The following SPIDR variants were observed in gnomAD, a reference collection of about 807,000 sequenced individuals.
SPIDR encodes DNA repair-scaffolding protein.
Under a neutral mutation model 104.6 loss-of-function variants are expected in SPIDR, and 93 were observed. The ratio of observed to expected loss-of-function variants is 0.89; its 90% CI spans 0.75 to 1.06. The LOEUF (loss-of-function observed/expected upper bound fraction) is 1.06. Ranked by LOEUF, SPIDR falls within the 50% of genes least tolerant of loss-of-function variation. The probability of loss-of-function intolerance (pLI) is 0.00; values close to 1 mark genes in which losing one functional copy is unlikely to be tolerated. For missense variants in SPIDR, 1,154 were observed against 1,111.2 expected (o/e 1.04, Z -0.55); for synonymous variants, 431 against 416.9 (o/e 1.03, Z -0.41).
intron 5 of SPIDR, among the ~76,000 whole-genome samples, chr8:47,387,610 G>T (rs2060108381): frequency 6.6e-6 from 1 of 152,176 alleles, no homozygotes. Context: ...GCAAACAACT[G>T]GTTTTGAGGA....
At position 47,440,536 on chromosome 8, in the gene SPIDR, C is replaced by T; in HGVS notation, c.1091C>T (p.Pro364Leu). 6.2e-7 allele frequency: 1 copy of T among 1,612,946 alleles called. No individual in the cohort carries two copies. Among genetic ancestry groups the T allele is most frequent in the South Asian group, 1.1e-5 (1 of 91,052 alleles). ...GRPQDTVRIFPPWQKLIIPSG... is the reference protein window; with the variant it reads ...GRPQDTVRIFLPWQKLIIPSG... Reference sequence around the variant, plus strand: ...CCCCAGGACACTGTCCGGATCTTCCCTCCCTGGTGAGTGCGCAGAACTTAA... The same window carrying T: ...CCCCAGGACACTGTCCGGATCTTCCTTCCCTGGTGAGTGCGCAGAACTTAA... The change falls in exon 8 of 20, where the codon CCT becomes CTT. Residue 364 changes from proline to leucine, a missense_variant. Pro to Leu is a moderately conservative substitution (Grantham distance 98). Coordinates refer to ENST00000297423, the MANE Select transcript of SPIDR (RefSeq NM_001080394.4).
At chr8:47,344,973 C>G (rs1367669890) in intron 5 of SPIDR, among the ~76,000 whole-genome samples, 1 of 152,138 alleles carries the variant, frequency 6.6e-6, no homozygotes, top group Non-Finnish European at 1.5e-5. Context: ...TTAATTAGAT[C>G]CCATTTGTCA....
At chr8:47,433,972 G>T (rs2067819001) in intron 7 of SPIDR, among the ~76,000 whole-genome samples, 1 of 152,064 alleles carries the variant, frequency 6.6e-6, no homozygotes, top group Non-Finnish European at 1.5e-5. Flanking sequence ...AGTAAAATAG[G>T]GCATAGAGTT....
At chr8:47,326,185 T>A (rs1480580026) in intron 5 of SPIDR, among the ~76,000 whole-genome samples, 1 of 152,156 alleles carries the variant, frequency 6.6e-6, no homozygotes, top group African/African-American at 2.4e-5. Flanking sequence ...TTATTTATTT[T>A]ATTTTTTTCT....
At chr8:47,458,203 A>G (rs1282647586) in intron 8 of SPIDR, among the ~76,000 whole-genome samples, 3 of 151,926 alleles carry the variant, frequency 2.0e-5, no homozygotes, top group African/African-American at 4.8e-5. Flanking sequence ...TATTGATTCT[A>G]CCCATCCATG....
intron 5 of SPIDR, among the ~76,000 whole-genome samples, chr8:47,353,883 T>C (rs2054021500): frequency 6.6e-6 from 1 of 152,204 alleles, no homozygotes; most frequent in Admixed American, 6.5e-5. Flanking sequence ...GTTCCTCTTG[T>C]CTTTGCATGT....
At position 47,399,463 on chromosome 8, in the gene SPIDR, A is replaced by C. The variant is rs189274754; in HGVS notation, c.776+2837A>C. ...TCAATTCTATTCCAGTAAATAGGGC[A>C]GTCCTTCATTAGCTGACAGGGAGGA... On this transcript the variant is annotated intron_variant, in intron 6 of 19. Coordinates refer to ENST00000297423, the MANE Select transcript of SPIDR (RefSeq NM_001080394.4). Among the ~76,000 whole-genome samples, 36 of 152,354 alleles carry C rather than the reference A, an allele frequency of 2.4e-4. 1 individual carries two copies. The highest frequency in any genetic ancestry group is 3.4e-3 in the Middle Eastern group (1 of 294).
At chr8:47,571,487 A>G (rs2154406230) in intron 8 of SPIDR, among the ~76,000 whole-genome samples, 1 of 152,380 alleles carries the variant, frequency 6.6e-6, no homozygotes, top group East Asian at 1.9e-4. Flanking sequence ...AAATAGAATC[A>G]TATATATCCT....
intron 5 of SPIDR, among the ~76,000 whole-genome samples, chr8:47,329,448 T>C (rs989986010): frequency 1.3e-5 from 2 of 152,150 alleles, no homozygotes; most frequent in African/African-American, 4.8e-5. Context: ...CCTCAAGTGG[T>C]CTGTCCACCT....
intron 10 of SPIDR, among the ~76,000 whole-genome samples, chr8:47,625,794 T>TGG (rs1190773659): frequency 7.2e-5 from 11 of 152,106 alleles, no homozygotes; most frequent in Non-Finnish European, 1.5e-4. Context: ...ATCAATATCA[T>TGG]GAAAATGGCC....
chr8:47,327,218 T>A (rs782354808), intron 5 of SPIDR, among the ~76,000 whole-genome samples: 1 of 152,162 alleles, frequency 6.6e-6, no homozygotes, highest in Non-Finnish European at 1.5e-5. Flanking sequence ...CACTGTTTCA[T>A]GTGGTGGTTG....
chr8:47,600,050 G>T (rs1024883093), intron 10 of SPIDR, among the ~76,000 whole-genome samples: 1 of 151,768 alleles, frequency 6.6e-6, no homozygotes, highest in Non-Finnish European at 1.5e-5. Context: ...GAGCCACCAC[G>T]CCCAGTCTGG....
chr8:47,293,717 G>A, intron 4 of SPIDR, 150 bp from the exon 5 acceptor site: 1 of 855,866 alleles, frequency 1.2e-6, no homozygotes, highest in Admixed American at 3.4e-5. Context: ...CAAAGCGCTA[G>A]GATTACAGGC....
chr8:47,425,553 C>A (rs782376885), intron 7 of SPIDR, among the ~76,000 whole-genome samples: 17 of 152,114 alleles, frequency 1.1e-4, no homozygotes, highest in Admixed American at 8.5e-4. Context: ...ATGTGAGGTG[C>A]CTAAACAGTT....
intron 7 of SPIDR, among the ~76,000 whole-genome samples, 196 bp downstream of exon 7, chr8:47,408,157 C>T (rs1336837740): frequency 3.9e-5 from 6 of 152,008 alleles, no homozygotes; most frequent in African/African-American, 1.5e-4. Flanking sequence ...AATAAGCATA[C>T]TCTTATGAAA....
At chr8:47,387,416 C>G (rs1020890160) in intron 5 of SPIDR, among the ~76,000 whole-genome samples, 2 of 152,018 alleles carry the variant, frequency 1.3e-5, no homozygotes, top group Admixed American at 6.6e-5. Context: ...GGCAGGAGGG[C>G]AGGAGTGGAG....
At chr8:47,430,764 A>T (rs1338005526) in intron 7 of SPIDR, among the ~76,000 whole-genome samples, 3 of 152,220 alleles carry the variant, frequency 2.0e-5, no homozygotes, top group Non-Finnish European at 4.4e-5. Flanking sequence ...TAAATATCTA[A>T]TTCTGTACTT....
At chr8:47,584,640 G>A (rs2060077661) in intron 8 of SPIDR, among the ~76,000 whole-genome samples, 1 of 152,176 alleles carries the variant, frequency 6.6e-6, no homozygotes. Flanking sequence ...CAAACTAGGA[G>A]GTTCTAAATA....
At position 47,671,022 on chromosome 8, in the gene SPIDR, A is replaced by T. The variant is rs544414492; in HGVS notation, c.1545-2779A>T. Among the ~76,000 whole-genome samples the T allele has an allele frequency of 7.6e-4, 115 of 152,126 alleles. 2 individuals are homozygous for T. In the South Asian group the frequency reaches 0.016, roughly 22 times the overall value. ...ACTCTTGGGCTCAAGGGATCCTCCC[A>T]CCTCAGCCTTCTGAGTAGCTGAGAC... is the stretch of plus-strand genomic sequence containing the variant. On this transcript the variant is annotated intron_variant, in intron 10 of 19. Coordinates refer to ENST00000297423, the MANE Select transcript of SPIDR (RefSeq NM_001080394.4).
Sources: gnomAD v4.1 joint callset for allele counts (sites outside exome capture counted in the v4.1 genomes callset) on GRCh38, gnomAD v4.1.1 for gene constraint, MANE v1.5 for transcripts, NCBI Gene and HGNC (gene_info 2026-07-23, HGNC 2026-07-21) for gene names.